COL22A1: variants seen among roughly 807,000 people sequenced by gnomAD.
COL22A1 encodes collagen type XXII alpha 1 chain.
COL22A1 carries 221 observed loss-of-function variants against 248.9 expected under a neutral mutation model. The observed-to-expected ratio is 0.89, with a 90% CI of 0.80 to 0.99. The LOEUF is 0.99. COL22A1 is among the 50% of genes least tolerant of loss of function. The pLI is 0.00. For synonymous variants in COL22A1, 891 were observed against 793.4 expected (o/e 1.12, Z -2.07); for missense variants, 2,240 against 2,179.0 (o/e 1.03, Z -0.56).
rs1819105329 is a variant in COL22A1 at position 138,821,309 on chromosome 8, C to T, written c.1072G>A (p.Asp358Asn). ...RVVFRGSRVN[D>N]LFDRDWHKMA... ...TTGTGCCAGTCCCGGTCAAAGAGGT[C>T]ATTGACCCGAGAACCTCGGAAGACC... Residue 358 changes from aspartate (D) to asparagine (N), a missense_variant, in exon 7 of 65, where the codon GAC becomes AAC. Asp to Asn is a conservative substitution (Grantham distance 23). Coordinates refer to ENST00000303045, the MANE Select transcript of COL22A1 (RefSeq NM_152888.3). The T allele has an allele frequency of 6.2e-7, 1 of 1,614,034 alleles. No individual in the cohort carries two copies. Among genetic ancestry groups the T allele is most frequent in the African/African-American group, 1.3e-5 (1 of 74,892 alleles).
chr8:138,614,417 T>C (rs978114410), intron 55 of COL22A1, among the ~76,000 whole-genome samples: 3 of 152,264 alleles, frequency 2.0e-5, no homozygotes, highest in Admixed American at 6.5e-5. Context: ...CCTAACCCTG[T>C]GATGGATAAA....
intron 12 of COL22A1, among the ~76,000 whole-genome samples, chr8:138,787,479 A>G (rs1184746419): frequency 6.6e-6 from 1 of 152,202 alleles, no homozygotes; most frequent in African/African-American, 2.4e-5. Context: ...CTGGCTCAAG[A>G]TGGCTGGTAA....
At chr8:138,642,429 T>A (rs990741350) in intron 47 of COL22A1, among the ~76,000 whole-genome samples, 3 of 152,140 alleles carry the variant, frequency 2.0e-5, no homozygotes, top group African/African-American at 7.2e-5. Context: ...TCATGCAGGG[T>A]TAGATCACAT....
Position 138,650,864 on chromosome 8 carries a change from T to C in COL22A1, c.3334-1086A>G, listed in dbSNP as rs73721907. 2.9e-3 allele frequency among the ~76,000 whole-genome samples: 437 copies of C among 152,320 alleles called. 3 individuals are homozygous for C. The highest frequency in any genetic ancestry group is 0.01 in the African/African-American group (422 of 41,572). On this transcript the variant is annotated intron_variant, in intron 45 of 64. Coordinates refer to ENST00000303045, the MANE Select transcript of COL22A1 (RefSeq NM_152888.3). ...TATGTGTCAGGCACTGTGCTAAGTT[T>C]GGGACCACAGTGAGTGTGTGTCTTG... is the stretch of plus-strand genomic sequence containing the variant.
Position 138,611,213 on chromosome 8 carries a change from C to T in COL22A1, c.3978+2654G>A, listed in dbSNP as rs114788310. Among the ~76,000 whole-genome samples the T allele has an allele frequency of 5.1e-3, 771 of 152,348 alleles. 5 individuals are homozygous for T. Among genetic ancestry groups the T allele is most frequent in the African/African-American group, 0.018 (736 of 41,584 alleles). On this transcript the variant is annotated intron_variant, in intron 56 of 64. Transcript: ENST00000303045. Reference sequence around the variant, plus strand: ...GCCTCCAGAAATGGAGAAGACCTGGCTTGGGGCACATTCCAAGGGCTGGGC... The same window carrying T: ...GCCTCCAGAAATGGAGAAGACCTGGTTTGGGGCACATTCCAAGGGCTGGGC...
At chr8:138,623,701 G>C in intron 52 of COL22A1, 31 bp downstream of exon 52, 1 of 1,579,618 alleles carries the variant, frequency 6.3e-7, no homozygotes, top group Non-Finnish European at 8.6e-7. Context: ...GATTTGGCAT[G>C]TGATATAATA....
intron 26 of COL22A1, 103 bp from the exon 27 acceptor site, chr8:138,720,895 C>CGGGTG: frequency 1.0e-6 from 1 of 964,182 alleles, no homozygotes; most frequent in Non-Finnish European, 1.7e-6. Context: ...TACCTGCACT[C>CGGGTG]GGGTGGTTTT....
rs78393778 is a variant in COL22A1, at chr8:138,802,779, G to A, written c.1557+93C>T. 2.8e-3 allele frequency: 2,702 copies of A among 965,310 alleles called. 9 individuals are homozygous for A. The highest frequency in any genetic ancestry group is 4.0e-3 in the Non-Finnish European group (2,346 of 590,832). 59.8% of individuals were successfully genotyped at this position (965,310 alleles called of 1,614,324 possible). On this transcript the variant is annotated intron_variant, in intron 11 of 64. Coordinates refer to ENST00000303045, the MANE Select transcript of COL22A1 (RefSeq NM_152888.3). ...GTGCCTGGCCCCTGCCAGGTATTCA[G>A]CCCACACTTGCTGATTTGCATGATC...
Position 138,699,339 on chromosome 8 carries a change from G to A in COL22A1, c.2592+773C>T, listed in dbSNP as rs142179887. Among the ~76,000 whole-genome samples, 838 of 152,208 alleles carry A rather than the reference G, an allele frequency of 5.5e-3. 7 individuals carry two copies. Among genetic ancestry groups the A allele is most frequent in the Middle Eastern group, 0.014 (4 of 294 alleles). ...TCTTTTAAGCTTTTAAAATGGAATCGACTTAATATTGAATAAATGAAGATA... is the reference window on the plus strand; with the variant it reads ...TCTTTTAAGCTTTTAAAATGGAATCAACTTAATATTGAATAAATGAAGATA... On this transcript the variant is annotated intron_variant, in intron 32 of 64. Coordinates refer to ENST00000303045, the MANE Select transcript of COL22A1 (RefSeq NM_152888.3).
chr8:138,674,048 C>T (rs1825287044), intron 41 of COL22A1, among the ~76,000 whole-genome samples: 1 of 152,166 alleles, frequency 6.6e-6, no homozygotes, highest in Non-Finnish European at 1.5e-5. Flanking sequence ...ACATACCCTC[C>T]CCTTGGCTTG....
At chr8:138,727,989 G>A (rs1428626170) in intron 23 of COL22A1, among the ~76,000 whole-genome samples, 1 of 152,092 alleles carries the variant, frequency 6.6e-6, no homozygotes, top group Non-Finnish European at 1.5e-5. Context: ...GACACTCACA[G>A]CTCCCACACA....
chr8:138,663,665 T>C (rs1042072831), intron 42 of COL22A1, 40 bp downstream of exon 42: 1 of 1,490,080 alleles, frequency 6.7e-7, no homozygotes, highest in Non-Finnish European at 9.4e-7. Context: ...GCAGGATTCC[T>C]CCCATAGAAA....
intron 56 of COL22A1, 78 bp from the exon 57 acceptor site, chr8:138,608,067 C>T: frequency 7.3e-7 from 1 of 1,370,042 alleles, no homozygotes; most frequent in Middle Eastern, 1.8e-4. Flanking sequence ...TAGACTGATG[C>T]ACAGGACTTG....
intron 45 of COL22A1, among the ~76,000 whole-genome samples, chr8:138,654,160 T>TGGGTGAG (rs1823002464): frequency 6.6e-6 from 1 of 152,180 alleles, no homozygotes; most frequent in Non-Finnish European, 1.5e-5. Context: ...TGAAATCCTC[T>TGGGTGAG]GGGTGAGGGG....
rs921759426 is a variant in COL22A1, at chr8:138,646,669, G to A, written c.3461C>T (p.Pro1154Leu). 7.0e-6 allele frequency: 11 copies of A among 1,578,978 alleles called. No individual in the cohort carries two copies. Residue 1154 changes from proline to leucine, a missense_variant, in exon 47 of 65, where the codon CCT (proline) becomes CTT (leucine). Transcript: ENST00000303045. ...TCCTGGGGGCCCTGGTAGGCCTGGA[G>A]GCCCAGCCTCTCCCTGTATCAGGGA... ...GTEGKKGEAG[P>L]PGLPGPPGIA...
At chr8:138,807,591 A>G (rs1817835400) in intron 10 of COL22A1, among the ~76,000 whole-genome samples, 177 bp downstream of exon 10, 2 of 152,198 alleles carry the variant, frequency 1.3e-5, no homozygotes, top group Admixed American at 1.3e-4. Flanking sequence ...TGGGCAGTTA[A>G]GAGGCTCCCA....
intron 2 of COL22A1, among the ~76,000 whole-genome samples, chr8:138,882,413 C>G (rs376241640): frequency 6.5e-5 from 2 of 30,730 alleles, no homozygotes; most frequent in African/African-American, 1.1e-4. Context: ...CACACATATT[C>G]TCTCACACTC....
intron 61 of COL22A1, among the ~76,000 whole-genome samples, chr8:138,597,997 C>G (rs1033245784): frequency 2.0e-5 from 3 of 152,158 alleles, no homozygotes; most frequent in Non-Finnish European, 2.9e-5. Context: ...GGAGGTCATC[C>G]AGACCTGGGC....
intron 30 of COL22A1, among the ~76,000 whole-genome samples, chr8:138,706,359 C>A (rs1347737610): frequency 1.3e-5 from 2 of 152,112 alleles, no homozygotes; most frequent in Non-Finnish European, 2.9e-5. Context: ...ACATCTCATT[C>A]ATTCCAAAAT....
Sources: gnomAD v4.1 joint callset for allele counts (sites outside exome capture counted in the v4.1 genomes callset) on GRCh38, gnomAD v4.1.1 for gene constraint, MANE v1.5 for transcripts, NCBI Gene and HGNC (gene_info 2026-07-23, HGNC 2026-07-21) for gene names.